Variants in UCHL1 observed in about 807,000 individuals in gnomAD.
UCHL1 encodes ubiquitin C-terminal hydrolase L1, also known as ubiquitin carboxyl-terminal hydrolase isozyme L1.
In UCHL1, 5 loss-of-function variants were observed where a neutral mutation model predicts 33.3. The ratio of observed to expected loss-of-function variants is 0.15; its 90% CI spans 0.08 to 0.32. The LOEUF is 0.32. Among genes scored for constraint, UCHL1 ranks in the 10% least tolerant of loss-of-function variants. The pLI is 1.00. For missense variants in UCHL1, 236 were observed against 280.0 expected, an observed-to-expected ratio of 0.84 and a Z score of 1.12; for synonymous variants, 132 against 108.8, an observed-to-expected ratio of 1.21 and a Z score of -1.33.
At chr4:41,263,463 C>A (rs1210259005) in intron 7 of UCHL1, among the ~76,000 whole-genome samples, 172 bp downstream of exon 7, 2 of 152,212 alleles carry the variant, frequency 1.3e-5, no homozygotes, top group East Asian at 1.9e-4. Context: ...CCCAGAGCAA[C>A]TTCCTCAGGC....
At chr4:41,259,349 C>A (rs1217492836) in intron 3 of UCHL1, among the ~76,000 whole-genome samples, 1 of 152,208 alleles carries the variant, frequency 6.6e-6, no homozygotes, top group East Asian at 1.9e-4. Context: ...AGACTATTTA[C>A]AGAATGATTT....
Position 41,260,726 on chromosome 4 carries a change from C to A in UCHL1, c.254C>A (p.Thr85Asn). 1 of 1,614,174 alleles carries A rather than the reference C, an allele frequency of 6.2e-7. No individual in the cohort carries two copies. The highest frequency in any genetic ancestry group is 8.5e-7 in the Non-Finnish European group (1 of 1,180,038). Residue 85 changes from threonine (T) to asparagine (N), a missense_variant, in exon 4 of 9, where the codon ACC (threonine) becomes AAC (asparagine). Transcript: ENST00000284440. The part of the protein sequence containing the change: ...VSPKVYFMKQ[T>N]IGNSCGTIGL... ...CCTAAAGTGTACTTCATGAAGCAGACCATTGGGAATTCCTGTGGCACAATC... is the reference window on the plus strand; with the variant it reads ...CCTAAAGTGTACTTCATGAAGCAGAACATTGGGAATTCCTGTGGCACAATC...
intron 7 of UCHL1, among the ~76,000 whole-genome samples, chr4:41,263,829 C>T (rs1781111740): frequency 6.6e-6 from 1 of 152,212 alleles, no homozygotes; most frequent in Non-Finnish European, 1.5e-5. Flanking sequence ...GACTTTTGTT[C>T]TGTGGCCCTT....
rs1362906051 is a variant in UCHL1 at position 41,267,979 on chromosome 4, C to T, written c.586-8C>T. The T allele has an allele frequency of 1.9e-6, 3 of 1,612,110 alleles. No homozygotes were observed. The highest frequency in any genetic ancestry group is 1.7e-4 in the Middle Eastern group (1 of 6,060). On this transcript the variant is annotated splice_polypyrimidine_tract_variant and splice_region_variant and intron_variant, in intron 8 of 8. Transcript: ENST00000284440. ...TGTTTGGATTTTAATGACATTTCTC[C>T]TTTCCAGGACGCTGCCAAGGTCTGC...
chr4:41,256,974 A>T lies in UCHL1; in HGVS notation c.-3A>T. On this transcript the variant is annotated 5_prime_UTR_variant, in exon 1 of 9. Coordinates refer to ENST00000284440, the MANE Select transcript of UCHL1 (RefSeq NM_004181.5). The stretch of plus-strand genomic sequence containing the variant: ...GGCTATTTCTGCCGGGCGCTCCGCG[A>T]AGATGCAGCTCAAGCCGATGGAGAT... The T allele has an allele frequency of 6.2e-7, 1 of 1,614,188 alleles. No individual in the cohort carries two copies. Among genetic ancestry groups the T allele is most frequent in the South Asian group, 1.1e-5 (1 of 91,088 alleles).
At chr4:41,257,054 GA>G in intron 1 of UCHL1, 45 bp downstream of exon 1, 6 of 1,614,182 alleles carry the variant, frequency 3.7e-6, no homozygotes, top group Non-Finnish European at 5.1e-6. Context: ...GAGGCCGAGG[GA>G]GGGGGAGCCG....
rs747100447 is a variant in UCHL1 at position 41,267,944 on chromosome 4, G to T, written c.586-43G>T. 17 of 1,564,720 alleles carry T rather than the reference G, an allele frequency of 1.1e-5. No homozygotes were observed. In the East Asian group the frequency reaches 3.8e-4, roughly 35 times the overall value. On this transcript the variant is annotated intron_variant, in intron 8 of 8. Coordinates refer to ENST00000284440, the MANE Select transcript of UCHL1 (RefSeq NM_004181.5). ...CCTTTCCCTATGTGACTTTCATTTTGAGCTCTTGCTGTTTGGATTTTAATG... is the reference window on the plus strand; with the variant it reads ...CCTTTCCCTATGTGACTTTCATTTTTAGCTCTTGCTGTTTGGATTTTAATG...
chr4:41,261,826 T>G, intron 5 of UCHL1, 26 bp downstream of exon 5: 1 of 1,614,210 alleles, frequency 6.2e-7, no homozygotes. Context: ...GAGCATGGCC[T>G]TTAAATAACT....
At position 41,261,764 on chromosome 4, in the gene UCHL1, C is replaced by G. The variant is rs1353728607; in HGVS notation, c.375C>G (p.Ser125=). The change falls in exon 5 of 9, where the codon TCC becomes TCG. Residue 125 remains serine, a synonymous_variant. Transcript: ENST00000284440. ...KQFLSETEKM[S]PEDRAKCFEK... is the part of the protein sequence containing the mutation. The stretch of plus-strand genomic sequence containing the variant: ...TTCTTTCTGAAACAGAGAAAATGTC[C>G]CCTGAAGACAGAGCAAAATGCTTTG... 6.2e-7 allele frequency: 1 copy of G among 1,613,608 alleles called. No individual in the cohort carries two copies. Among genetic ancestry groups the G allele is most frequent in the Non-Finnish European group, 8.5e-7 (1 of 1,180,032 alleles).
intron 3 of UCHL1, 130 bp downstream of exon 3, chr4:41,257,867 G>A (rs915963124): frequency 1.5e-6 from 2 of 1,371,012 alleles, no homozygotes; most frequent in Middle Eastern, 5.3e-4. Context: ...AGGAAGGGAG[G>A]AGCCTGCATT....
intron 6 of UCHL1, among the ~76,000 whole-genome samples, chr4:41,262,978 C>T (rs1781096812): frequency 6.6e-6 from 1 of 152,146 alleles, no homozygotes; most frequent in Non-Finnish European, 1.5e-5. Context: ...GATAGTTAGC[C>T]TCTCTAAGCC....
rs1027318538 is a variant in UCHL1 at position 41,263,520 on chromosome 4, G to T, written c.526+229G>T. 4.6e-5 allele frequency among the ~76,000 whole-genome samples: 7 copies of T among 152,256 alleles called. No homozygotes were observed. In the South Asian group the frequency reaches 1.5e-3, roughly 32 times the overall value. On this transcript the variant is annotated intron_variant, in intron 7 of 8. Transcript: ENST00000284440. ...ATCATCCTTTCTGGGCAAAGAGTAC[G>T]TCTGAAAAAGGATCAGTGCCTGAAT...
At chr4:41,264,385 T>C (rs980319064) in intron 8 of UCHL1, 20 of 599,560 alleles carry the variant, frequency 3.3e-5, no homozygotes, top group Non-Finnish European at 5.3e-5. Context: ...GTTTCATGTG[T>C]TGTCTTTAGT....
chr4:41,263,531 G>A (rs182750882), intron 7 of UCHL1, among the ~76,000 whole-genome samples: 437 of 152,326 alleles, frequency 2.9e-3, no homozygotes, highest in Middle Eastern at 6.8e-3. Context: ...TCTGAAAAAG[G>A]ATCAGTGCCT....
chr4:41,257,947 T>C (rs1179612754), intron 3 of UCHL1, among the ~76,000 whole-genome samples: 1 of 152,228 alleles, frequency 6.6e-6, no homozygotes, highest in Non-Finnish European at 1.5e-5. Flanking sequence ...CCGTCCACAA[T>C]TGCCTTAAAT....
At chr4:41,261,354 C>CT in intron 4 of UCHL1, among the ~76,000 whole-genome samples, 1 of 152,228 alleles carries the variant, frequency 6.6e-6, no homozygotes, top group South Asian at 2.1e-4. Flanking sequence ...GCAGCCCCGG[C>CT]TTTTATGGTG....
intron 3 of UCHL1, among the ~76,000 whole-genome samples, chr4:41,260,325 C>G (rs1781050661): frequency 6.6e-6 from 1 of 152,190 alleles, no homozygotes; most frequent in South Asian, 2.1e-4. Flanking sequence ...GAATTGGTTT[C>G]TTTGTTTTCT....
At position 41,257,791 on chromosome 4, in the gene UCHL1, A is replaced by T. The variant is rs531564323; in HGVS notation, c.174+54A>T. On this transcript the variant is annotated intron_variant, in intron 3 of 8. Coordinates refer to ENST00000284440, the MANE Select transcript of UCHL1 (RefSeq NM_004181.5). ...CCGCCGGCAGTGCACGCCGCTCCCCAGCTTGAGTCCTCGGGGGCTCCCCGC... is the reference window on the plus strand; with the variant it reads ...CCGCCGGCAGTGCACGCCGCTCCCCTGCTTGAGTCCTCGGGGGCTCCCCGC... 6.4e-5 allele frequency: 98 copies of T among 1,530,732 alleles called. No homozygotes were observed. In the African/African-American group the frequency reaches 1.2e-3, roughly 19 times the overall value. 94.8% of individuals were successfully genotyped at this position (1,530,732 alleles called of 1,614,324 possible).
At chr4:41,260,882 A>G in intron 4 of UCHL1, 85 bp downstream of exon 4, 4 of 1,588,938 alleles carry the variant, frequency 2.5e-6, no homozygotes, top group South Asian at 1.1e-5. Context: ...GAGGTCAGAG[A>G]TGCTGTACCT....
Sources: gnomAD v4.1 joint callset for allele counts (sites outside exome capture counted in the v4.1 genomes callset) on GRCh38, gnomAD v4.1.1 for gene constraint, MANE v1.5 for transcripts, NCBI Gene and HGNC (gene_info 2026-07-23, HGNC 2026-07-21) for gene names.